The following SLC35C1 variants were observed in gnomAD, a reference collection of about 807,000 sequenced individuals.
SLC35C1 encodes the protein GDP-fucose transporter 1.
SLC35C1 carries 8 observed loss-of-function variants against 23.2 expected under a neutral mutation model. The ratio of observed to expected loss-of-function variants is 0.35; its 90% CI spans 0.20 to 0.62. SLC35C1 has a LOEUF of 0.62. Ranked by LOEUF, SLC35C1 falls within the 20% of genes least tolerant of loss-of-function variation. SLC35C1 has a pLI of 0.75. For synonymous variants in SLC35C1, 226 were observed against 225.1 expected (o/e 1.00, Z -0.04); for missense variants, 422 against 478.6 (o/e 0.88, Z 1.10).
chr11:45,810,110 G>A (rs1323300352), intron 1 of SLC35C1: 1 of 985,252 alleles, frequency 1.0e-6, no homozygotes, highest in Non-Finnish European at 1.2e-6. Context: ...CAGAGGAAGG[G>A]CCTGCACCCC....
Position 45,805,415 on chromosome 11 carries a change from C to A in SLC35C1, c.-387C>A, listed in dbSNP as rs955620712. The A allele has an allele frequency of 2.6e-5, 28 of 1,067,576 alleles. No individual in the cohort carries two copies. In the African/African-American group the frequency reaches 4.3e-4, roughly 16 times the overall value. The allele number at this position is 1,067,576 out of a possible 1,614,324, so 66.1% of individuals were successfully genotyped here. A position where few individuals can be genotyped will look rare whatever the true frequency, so the allele number is the denominator to read the frequency against. ...TCTGCCACGCGTCCTTTTCCTGCAC[C>A]TTCGCCCCGCGTACCTACTCCTGCC... On this transcript the variant is annotated 5_prime_UTR_variant, in exon 1 of 2. Transcript: ENST00000314134.
chr11:45,807,669 A>T (rs1214726823), intron 1 of SLC35C1, among the ~76,000 whole-genome samples: 1 of 152,176 alleles, frequency 6.6e-6, no homozygotes, highest in Non-Finnish European at 1.5e-5. Flanking sequence ...TGTCCTAGAA[A>T]ATGTTTCCCC....
chr11:45,812,340 A>ACAC lies in SLC35C1; in HGVS notation c.*1008_*1010dup, dbSNP rs1338022737. 2.5e-5 allele frequency: 9 copies of ACAC among 357,586 alleles called. No individual in the cohort carries two copies. Among genetic ancestry groups the ACAC allele is most frequent in the Non-Finnish European group, 5.0e-5 (9 of 181,520 alleles). 22.2% of individuals were successfully genotyped at this position (357,586 alleles called of 1,614,324 possible). ...GAGCCGCTTGCCTTGTGATGGTAAG[A>ACAC]CACCAACCTTTACATTCTTCCCTGA... On this transcript the variant is annotated 3_prime_UTR_variant, in exon 2 of 2. Coordinates refer to ENST00000314134, the MANE Select transcript of SLC35C1 (RefSeq NM_018389.5).
Position 45,810,670 on chromosome 11 carries a change from C to T in SLC35C1, c.536-106C>T, listed in dbSNP as rs2085928751. On this transcript the variant is annotated intron_variant, in intron 1 of 1. Transcript: ENST00000314134. Reference sequence around the variant, plus strand: ...AGGCCTGGGGAGGAACGGGGAGGGCCGCAATACTCAGTCTGTGAAATTTGG... The same window carrying T: ...AGGCCTGGGGAGGAACGGGGAGGGCTGCAATACTCAGTCTGTGAAATTTGG... 5 of 1,479,066 alleles carry T rather than the reference C, an allele frequency of 3.4e-6. No homozygotes were observed. The Admixed American group carries it at 6.6e-5, about 20-fold the overall frequency. The allele number at this position is 1,479,066 out of a possible 1,614,324, so 91.6% of individuals were successfully genotyped here. A position where few individuals can be genotyped will look rare whatever the true frequency, so the allele number is the denominator to read the frequency against.
At chr11:45,804,630 G>C (rs1381623734), upstream of SLC35C1, 3 of 985,776 alleles carry the variant, frequency 3.0e-6, no homozygotes, top group Admixed American at 6.1e-5. Flanking sequence ...GTGGCCTCCG[G>C]CCTCGGGGAG....
chr11:45,809,889 A>C (rs1489714351), intron 1 of SLC35C1: 1 of 985,334 alleles, frequency 1.0e-6, no homozygotes, highest in Non-Finnish European at 1.2e-6. Flanking sequence ...CAGAGCAGGC[A>C]AGGGGCTTTG....
chr11:45,805,328 T>TGCCCCAGGGCCCC lies in SLC35C1; in HGVS notation c.-474_-473insGCCCCAGGGCCCC. ...TCCGGCAGCTCCCTGTACGCCTCCC[T>TGCCCCAGGGCCCC]CCCCCTGCCCGCCCCTCCCTCCCAC... is the stretch of plus-strand genomic sequence containing the variant. On this transcript the variant is annotated 5_prime_UTR_variant, in exon 1 of 2. Transcript: ENST00000314134. The TGCCCCAGGGCCCC allele has an allele frequency of 1.4e-6, 1 of 727,020 alleles. No individual in the cohort carries two copies. The highest frequency in any genetic ancestry group is 1.6e-6 in the Non-Finnish European group (1 of 622,542). 45.0% of individuals were successfully genotyped at this position (727,020 alleles called of 1,614,324 possible).
rs1238774757 is a variant in SLC35C1, at chr11:45,812,457, G to GA, written c.*1125dup. ...TAGGCCGGGTGGCTTACAAACAACA[G>GA]AAACGTATTGCTCACAGTCCTGGGG... On this transcript the variant is annotated 3_prime_UTR_variant, in exon 2 of 2. Coordinates refer to ENST00000314134, the MANE Select transcript of SLC35C1 (RefSeq NM_018389.5). 1 of 433,628 alleles carries GA rather than the reference G, an allele frequency of 2.3e-6. No homozygotes were observed. The highest frequency in any genetic ancestry group is 2.0e-5 in the African/African-American group (1 of 49,476). The allele number at this position is 433,628 out of a possible 1,614,324, so 26.9% of individuals were successfully genotyped here.
chr11:45,811,321 G>T lies in SLC35C1; in HGVS notation c.1081G>T (p.Ala361Ser), dbSNP rs371853940. ...CAGCCCCAAAGACAGCGAGAAGAGC[G>T]CCATGGGGGTGTGAGCACCACAGGC... ...EPSPKDSEKS[A>S]MGV Residue 361 changes from alanine (A) to serine (S), a missense_variant, in exon 2 of 2, where the codon GCC becomes TCC. By Grantham distance (99) the Ala-to-Ser change is moderately conservative. Transcript: ENST00000314134. The T allele has an allele frequency of 8.5e-6, 13 of 1,524,106 alleles. No homozygotes were observed. In the South Asian group the frequency reaches 1.3e-4, roughly 15 times the overall value. 94.4% of individuals were successfully genotyped at this position (1,524,106 alleles called of 1,614,324 possible).
Position 45,811,923 on chromosome 11 carries a change from G to C in SLC35C1, c.*588G>C, listed in dbSNP as rs1370444963. On this transcript the variant is annotated 3_prime_UTR_variant, in exon 2 of 2. Coordinates refer to ENST00000314134, the MANE Select transcript of SLC35C1 (RefSeq NM_018389.5). ...CCAGCAGATCCCCAGGGGCTGCTGG[G>C]CAGTGGCCTGGGAATGGGGTGGATT... 1 of 154,972 alleles carries C rather than the reference G, an allele frequency of 6.5e-6. No individual in the cohort carries two copies. The highest frequency in any genetic ancestry group is 1.4e-5 in the Non-Finnish European group (1 of 69,850). 9.6% of individuals were successfully genotyped at this position (154,972 alleles called of 1,614,324 possible).
At chr11:45,807,863 C>T (rs1452832202) in intron 1 of SLC35C1, among the ~76,000 whole-genome samples, 5 of 152,080 alleles carry the variant, frequency 3.3e-5, no homozygotes, top group African/African-American at 1.2e-4. Context: ...CTCAGATGCC[C>T]CAGGGCTCTC....
chr11:45,808,774 G>A (rs1010526412), intron 1 of SLC35C1, among the ~76,000 whole-genome samples: 5 of 151,946 alleles, frequency 3.3e-5, no homozygotes, highest in South Asian at 2.1e-4. Context: ...AGGCTGAGGC[G>A]GGCAGATCAC....
At position 45,805,159 on chromosome 11, in the gene SLC35C1, C is replaced by G; in HGVS notation, c.-643C>G. 1.0e-6 allele frequency: 1 copy of G among 986,814 alleles called. No homozygotes were observed. The highest frequency in any genetic ancestry group is 1.7e-5 in the African/African-American group (1 of 57,344). The allele number at this position is 986,814 out of a possible 1,614,324, so 61.1% of individuals were successfully genotyped here. A position where few individuals can be genotyped will look rare whatever the true frequency, so the allele number is the denominator to read the frequency against. The stretch of plus-strand genomic sequence containing the variant: ...TCCCGGGGAGTCGGCCTCGGATGTC[C>G]GGAGGCTCCTGGGCTGAGCCGGCGA... On this transcript the variant is annotated 5_prime_UTR_variant, in exon 1 of 2. Coordinates refer to ENST00000314134, the MANE Select transcript of SLC35C1 (RefSeq NM_018389.5).
At chr11:45,810,090 G>A (rs973062751) in intron 1 of SLC35C1, 3 of 985,382 alleles carry the variant, frequency 3.0e-6, no homozygotes, top group South Asian at 4.7e-5. Context: ...AAGCTGGGGC[G>A]ACCATAGGAC....
chr11:45,807,275 T>C (rs1482922121), intron 1 of SLC35C1, among the ~76,000 whole-genome samples: 5 of 152,236 alleles, frequency 3.3e-5, no homozygotes, highest in Admixed American at 3.3e-4. Context: ...CATTGGCCAC[T>C]TATTTAAATT....
At position 45,805,660 on chromosome 11, in the gene SLC35C1, G is replaced by A; in HGVS notation, c.-142G>A. The A allele has an allele frequency of 6.5e-7, 1 of 1,539,444 alleles. No individual in the cohort carries two copies. On this transcript the variant is annotated 5_prime_UTR_variant, in exon 1 of 2. Coordinates refer to ENST00000314134, the MANE Select transcript of SLC35C1 (RefSeq NM_018389.5). ...AAAGCAGAACTTCTCAATCCATGAG[G>A]ACAATGGGGAGGCCTTTAGGCCAGC... is the stretch of plus-strand genomic sequence containing the variant.
chr11:45,811,294 C>T lies in SLC35C1; in HGVS notation c.1054C>T (p.Pro352Ser), dbSNP rs145613857. 7,840 of 1,556,504 alleles carry T rather than the reference C, an allele frequency of 5.0e-3. 20 individuals are homozygous for T. Among genetic ancestry groups the T allele is most frequent in the Non-Finnish European group, 6.0e-3 (6,985 of 1,157,516 alleles). ...GWEMKKTPEE[P>S]SPKDSEKSAM... ...GGAGATGAAGAAGACTCCGGAGGAG[C>T]CCAGCCCCAAAGACAGCGAGAAGAG... The change falls in exon 2 of 2, where the codon CCC becomes TCC. Residue 352 changes from proline (P) to serine (S), a missense_variant. By Grantham distance (74) the Pro-to-Ser change is moderately conservative. Transcript: ENST00000314134.
upstream of SLC35C1, chr11:45,804,735 C>T: frequency 1.0e-6 from 1 of 985,354 alleles, no homozygotes; most frequent in Non-Finnish European, 1.2e-6. Context: ...AGAGTGAGCT[C>T]GGATTGGCAG....
chr11:45,805,856 G>T lies in SLC35C1; in HGVS notation c.55G>T (p.Ala19Ser), dbSNP rs1224991533. Residue 19 changes from alanine (A) to serine (S), a missense_variant, in exon 1 of 2, where the codon GCC becomes TCC. Coordinates refer to ENST00000314134, the MANE Select transcript of SLC35C1 (RefSeq NM_018389.5). ...GATCCTGCACATGGCGCTGACCGGG[G>T]CCTCAGACCCCTCTGCAGAGGCAGA... is the stretch of plus-strand genomic sequence containing the variant. Reference protein sequence around the residue: ...SRILHMALTGASDPSAEAEAN... With the variant: ...SRILHMALTGSSDPSAEAEAN... The T allele has an allele frequency of 1.9e-6, 3 of 1,614,084 alleles. No individual in the cohort carries two copies. Among genetic ancestry groups the T allele is most frequent in the Non-Finnish European group, 2.5e-6 (3 of 1,180,020 alleles).
Sources: gnomAD v4.1 joint callset for allele counts (sites outside exome capture counted in the v4.1 genomes callset) on GRCh38, gnomAD v4.1.1 for gene constraint, MANE v1.5 for transcripts, NCBI Gene and HGNC (gene_info 2026-07-23, HGNC 2026-07-21) for gene names.